The following TAFA1 variants were observed in gnomAD, a reference collection of about 807,000 sequenced individuals.
TAFA1 encodes the protein TAFA chemokine like family member 1.
A neutral mutation model predicts 18.5 loss-of-function variants in TAFA1; 4 were observed. The ratio of observed to expected loss-of-function variants is 0.22; its 90% CI spans 0.11 to 0.49. TAFA1 has a LOEUF of 0.49. TAFA1 is among the 20% of genes least tolerant of loss of function. The pLI, the probability that TAFA1 is intolerant of heterozygous loss-of-function variation, is 0.98. For synonymous variants in TAFA1, 56 were observed against 55.2 expected (o/e 1.01, Z -0.06); for missense variants, 147 against 169.0 (o/e 0.87, Z 0.72).
intron 2 of TAFA1, among the ~76,000 whole-genome samples, chr3:68,387,663 C>T (rs1349635650): frequency 2.6e-5 from 4 of 151,994 alleles, no homozygotes; most frequent in South Asian, 2.1e-4. Flanking sequence ...TTTAGTGAGT[C>T]GTTTTTCTGC....
At chr3:68,420,293 C>G (rs191611824) in intron 3 of TAFA1, among the ~76,000 whole-genome samples, 25 of 152,278 alleles carry the variant, frequency 1.6e-4, no homozygotes, top group African/African-American at 5.8e-4. Context: ...CAGGATCTTG[C>G]TCTGTCACCC....
At chr3:68,201,021 T>C (rs190029876) in intron 2 of TAFA1, among the ~76,000 whole-genome samples, 256 of 151,808 alleles carry the variant, frequency 1.7e-3, no homozygotes, top group African/African-American at 5.9e-3. Flanking sequence ...TAAACTTCTC[T>C]CTTATGTCTG....
chr3:68,086,482 T>C (rs1272967309), intron 2 of TAFA1, among the ~76,000 whole-genome samples: 1 of 152,252 alleles, frequency 6.6e-6, no homozygotes, highest in African/African-American at 2.4e-5. Context: ...GATTGTTGCA[T>C]GTTAAAACAG....
intron 2 of TAFA1, among the ~76,000 whole-genome samples, chr3:68,327,858 T>C (rs546971814): frequency 6.6e-6 from 1 of 152,306 alleles, no homozygotes; most frequent in African/African-American, 2.4e-5. Flanking sequence ...ACTATTAGTC[T>C]CCATAATGAA....
At chr3:68,440,624 T>A (rs1259357725) in intron 3 of TAFA1, among the ~76,000 whole-genome samples, 1 of 152,136 alleles carries the variant, frequency 6.6e-6, no homozygotes, top group Non-Finnish European at 1.5e-5. Flanking sequence ...GGTCATGAAT[T>A]TTTCCTGGTA....
chr3:68,002,265 C>T (rs1175861429), upstream of TAFA1, among the ~76,000 whole-genome samples: 1 of 152,208 alleles, frequency 6.6e-6, no homozygotes, highest in Non-Finnish European at 1.5e-5. Context: ...ATTCTTGCTT[C>T]ATTACATGCA....
At chr3:68,041,160 G>GA (rs1431386632) in intron 2 of TAFA1, among the ~76,000 whole-genome samples, 4 of 152,132 alleles carry the variant, frequency 2.6e-5, no homozygotes, top group South Asian at 4.1e-4. Context: ...CCAAAAACAA[G>GA]AAAAAATCCC....
At chr3:68,009,660 T>C (rs1360588356) in intron 2 of TAFA1, among the ~76,000 whole-genome samples, 2 of 152,230 alleles carry the variant, frequency 1.3e-5, no homozygotes, top group Non-Finnish European at 2.9e-5. Context: ...TTATTCAACT[T>C]TCTTTGGTTT....
intron 2 of TAFA1, among the ~76,000 whole-genome samples, chr3:68,251,560 A>T (rs1210360373): frequency 6.6e-6 from 1 of 152,180 alleles, no homozygotes; most frequent in Non-Finnish European, 1.5e-5. Context: ...GGAGAAAGTG[A>T]AGGAGAAAGA....
chr3:68,341,039 G>C (rs2069073444), intron 2 of TAFA1, among the ~76,000 whole-genome samples: 1 of 152,150 alleles, frequency 6.6e-6, no homozygotes, highest in Non-Finnish European at 1.5e-5. Context: ...TAGTTTTCCA[G>C]AATAAGAGAA....
intron 2 of TAFA1, among the ~76,000 whole-genome samples, chr3:68,392,700 AACTC>A (rs1429946468): frequency 1.3e-5 from 2 of 152,200 alleles, no homozygotes; most frequent in Admixed American, 6.5e-5. Flanking sequence ...ACGATTAAGA[AACTC>A]ACTCACAACC....
At chr3:68,109,611 G>T (rs1344753068) in intron 2 of TAFA1, among the ~76,000 whole-genome samples, 3 of 152,062 alleles carry the variant, frequency 2.0e-5, no homozygotes, top group Admixed American at 6.6e-5. Context: ...TAATATTCCA[G>T]GAGAAACTGC....
At chr3:67,996,149 G>A in the TAFA1 span, among the ~76,000 whole-genome samples, 54 of 152,248 alleles carry the variant, frequency 3.5e-4, no homozygotes, top group Middle Eastern at 3.4e-3. Context: ...TCTAGTCTCC[G>A]TACCTCATTT....
At chr3:68,060,302 G>C (rs2064586896) in intron 2 of TAFA1, among the ~76,000 whole-genome samples, 1 of 151,902 alleles carries the variant, frequency 6.6e-6, no homozygotes, top group Non-Finnish European at 1.5e-5. Flanking sequence ...CACAATCCCT[G>C]TCTTCCTCAG....
At chr3:68,172,872 G>T (rs1464251004) in intron 2 of TAFA1, among the ~76,000 whole-genome samples, 2 of 152,116 alleles carry the variant, frequency 1.3e-5, no homozygotes, top group Non-Finnish European at 2.9e-5. Context: ...TAGTAGGGAG[G>T]AATAGAGAGT....
At position 68,033,000 on chromosome 3, in the gene TAFA1, A is replaced by T. The variant is rs186790968; in HGVS notation, c.118+26256A>T. Among the ~76,000 whole-genome samples the T allele has an allele frequency of 5.3e-5, 8 of 152,248 alleles. No homozygotes were observed. The East Asian group carries it at 1.4e-3, about 26-fold the overall frequency. ...ATGATATCCTTTCATTTCCCCCAAA[A>T]TTAAGTCAGAAGCAAGAACATTTAT... is the stretch of plus-strand genomic sequence containing the variant. On this transcript the variant is annotated intron_variant, in intron 2 of 4. Transcript: ENST00000478136.
At chr3:68,128,287 T>A (rs551997137) in intron 2 of TAFA1, among the ~76,000 whole-genome samples, 43 of 152,244 alleles carry the variant, frequency 2.8e-4, no homozygotes, top group Admixed American at 7.8e-4. Context: ...CCATCCAAAT[T>A]CAGTTCTAAG....
chr3:68,245,787 C>T (rs1454987161), intron 2 of TAFA1, among the ~76,000 whole-genome samples: 1 of 152,180 alleles, frequency 6.6e-6, no homozygotes, highest in African/African-American at 2.4e-5. Flanking sequence ...CAAAGGAAAT[C>T]AATGTTTTGC....
intron 2 of TAFA1, among the ~76,000 whole-genome samples, chr3:68,105,222 T>C (rs959043915): frequency 3.9e-5 from 6 of 152,086 alleles, no homozygotes; most frequent in Admixed American, 2.0e-4. Context: ...CCTCCAACAT[T>C]GGGGATCACA....
Sources: gnomAD v4.1 joint callset for allele counts (sites outside exome capture counted in the v4.1 genomes callset) on GRCh38, gnomAD v4.1.1 for gene constraint, MANE v1.5 for transcripts, NCBI Gene and HGNC (gene_info 2026-07-23, HGNC 2026-07-21) for gene names.